The following ENO4 variants were observed in gnomAD, a reference collection of about 807,000 sequenced individuals.
ENO4 encodes enolase 4.
ENO4 carries 53 observed loss-of-function variants against 63.2 expected under a neutral mutation model. The ratio of observed to expected loss-of-function variants is 0.84; its 90% CI spans 0.67 to 1.05. The LOEUF (loss-of-function observed/expected upper bound fraction) is 1.05, where lower values mean the gene tolerates loss of function less well. Among genes scored for constraint, ENO4 ranks in the 50% least tolerant of loss-of-function variants. The pLI is 0.00. For missense variants in ENO4, 719 were observed against 772.0 expected, an observed-to-expected ratio of 0.93 and a Z score of 0.81; for synonymous variants, 266 against 283.8, an observed-to-expected ratio of 0.94 and a Z score of 0.63.
intron 1 of ENO4, among the ~76,000 whole-genome samples, chr10:116,854,287 C>T (rs1295261989): frequency 2.6e-5 from 4 of 152,108 alleles, no homozygotes; most frequent in African/African-American, 7.2e-5. Context: ...GTGCCGGGCG[C>T]GGTGGCTCAC....
Position 116,874,136 on chromosome 10 carries a change from C to T in ENO4, c.1276C>T (p.Leu426=), listed in dbSNP as rs1326183829. Residue 426 remains leucine (L), a synonymous_variant, in exon 10 of 14, where the codon CTG becomes TTG. Coordinates refer to ENST00000341276, the MANE Select transcript of ENO4 (RefSeq NM_001242699.2). ...CAAAAATGCAGCGGAGATGGTTGAC[C>T]TGTATGTGGATCTGATCAACAAGTA... is the stretch of plus-strand genomic sequence containing the variant. ...TYKNAAEMVD[L]YVDLINKYPS... 1 of 1,549,722 alleles carries T rather than the reference C, an allele frequency of 6.5e-7. No individual in the cohort carries two copies. The highest frequency in any genetic ancestry group is 1.4e-5 in the African/African-American group (1 of 73,002).
downstream of ENO4, chr10:116,885,115 G>A (rs976139420): frequency 1.3e-5 from 2 of 152,520 alleles, no homozygotes; most frequent in Non-Finnish European, 2.9e-5. Flanking sequence ...CTTACCACAC[G>A]TGCAAAAATA....
chr10:116,863,492 A>G (rs887992335), intron 7 of ENO4, among the ~76,000 whole-genome samples: 1 of 152,020 alleles, frequency 6.6e-6, no homozygotes, highest in Non-Finnish European at 1.5e-5. Context: ...ATGGTACACT[A>G]CTAATAACTA....
chr10:116,880,499 G>C (rs1315619991), intron 13 of ENO4, among the ~76,000 whole-genome samples: 3 of 152,160 alleles, frequency 2.0e-5, no homozygotes, highest in African/African-American at 7.2e-5. Context: ...TGGGTAACTA[G>C]AGAGAAACAC....
intron 4 of ENO4, 45 bp from the exon 5 acceptor site, chr10:116,860,749 A>C: frequency 1.6e-6 from 2 of 1,254,030 alleles, no homozygotes; most frequent in Non-Finnish European, 2.1e-6. Context: ...TCTGTAAGTA[A>C]AGCATTTAGA....
intron 10 of ENO4, among the ~76,000 whole-genome samples, chr10:116,895,276 A>G (rs1256800121): frequency 1.3e-5 from 2 of 152,208 alleles, no homozygotes; most frequent in Admixed American, 6.5e-5. Flanking sequence ...AAAATGTTCA[A>G]TAAAATAAAA....
intron 13 of ENO4, 143 bp downstream of exon 13, chr10:116,880,129 T>C: frequency 1.7e-6 from 1 of 590,530 alleles, no homozygotes; most frequent in South Asian, 2.5e-5. Context: ...AGGATGGCAC[T>C]TGCCACAATG....
intron 10 of ENO4, chr10:116,906,777 G>A (rs769346526): frequency 6.3e-7 from 1 of 1,577,138 alleles, no homozygotes; most frequent in East Asian, 2.3e-5. Context: ...AAAACAAAAA[G>A]GTTAATGTCT....
At position 116,852,543 on chromosome 10, in the gene ENO4, C is replaced by A. The variant is rs141436679; in HGVS notation, c.165+2812C>A. Reference sequence around the variant, plus strand: ...TGAACACCTTTTTGTAAGTCCCTCCCACACTGACTCTGGAATTGGCTATGT... The same window carrying A: ...TGAACACCTTTTTGTAAGTCCCTCCAACACTGACTCTGGAATTGGCTATGT... On this transcript the variant is annotated intron_variant, in intron 1 of 13. Transcript: ENST00000341276. Among the ~76,000 whole-genome samples, 72 of 152,316 alleles carry A rather than the reference C, an allele frequency of 4.7e-4. No homozygotes were observed. The East Asian group carries it at 0.014, about 29-fold the overall frequency.
Position 116,857,103 on chromosome 10 carries a change from C to T in ENO4, c.485+421C>T, listed in dbSNP as rs559859318. On this transcript the variant is annotated intron_variant, in intron 3 of 13. Coordinates refer to ENST00000341276, the MANE Select transcript of ENO4 (RefSeq NM_001242699.2). ...AGAATTGGGAAGTCAGTTTACAAAG[C>T]GTATGTGAAAGCAGCAACATTTAGC... is the stretch of plus-strand genomic sequence containing the variant. 1.1e-3 allele frequency among the ~76,000 whole-genome samples: 171 copies of T among 152,116 alleles called. 2 individuals carry two copies. The South Asian group carries it at 0.027, about 24-fold the overall frequency.
chr10:116,858,377 C>T (rs1275067814), intron 3 of ENO4, among the ~76,000 whole-genome samples: 1 of 152,192 alleles, frequency 6.6e-6, no homozygotes, highest in Non-Finnish European at 1.5e-5. Context: ...TTCTCTCATA[C>T]TTTAAAGGCA....
At chr10:116,860,693 GT>G in intron 4 of ENO4, 100 bp from the exon 5 acceptor site, 1 of 907,274 alleles carries the variant, frequency 1.1e-6, no homozygotes, top group Non-Finnish European at 1.5e-6. Flanking sequence ...AGCATTTGTT[GT>G]TCCCAGCCTC....
At position 116,874,069 on chromosome 10, in the gene ENO4, A is replaced by G. The variant is rs1365986113; in HGVS notation, c.1216-7A>G. ...CCTTATTTTAATATTTTCCTGACAC[A>G]TATCAGAATAAAGGAAAGTATGAAG... On this transcript the variant is annotated splice_region_variant and splice_polypyrimidine_tract_variant and intron_variant, in intron 9 of 13. Coordinates refer to ENST00000341276, the MANE Select transcript of ENO4 (RefSeq NM_001242699.2). The G allele has an allele frequency of 3.3e-6, 5 of 1,534,856 alleles. No homozygotes were observed. In the Admixed American group the frequency reaches 7.9e-5, roughly 24 times the overall value.
downstream of ENO4, chr10:116,886,100 G>T: frequency 1.9e-6 from 1 of 535,026 alleles, no homozygotes; most frequent in Non-Finnish European, 3.2e-6. Flanking sequence ...ACTTAATACA[G>T]TAACTAGGAA....
At chr10:116,889,721 G>C (rs1435517541) in intron 10 of ENO4, among the ~76,000 whole-genome samples, 1 of 152,178 alleles carries the variant, frequency 6.6e-6, no homozygotes, top group Non-Finnish European at 1.5e-5. Context: ...TCTTCTCCTA[G>C]AAACAGGAGG....
At chr10:116,869,249 C>T (rs1285146153) in intron 8 of ENO4, among the ~76,000 whole-genome samples, 1 of 152,184 alleles carries the variant, frequency 6.6e-6, no homozygotes, top group Non-Finnish European at 1.5e-5. Flanking sequence ...ACCAGCTGAA[C>T]TTGATCTGTC....
rs1249122262 is a variant in ENO4, at chr10:116,859,124, A to T, written c.620A>T (p.Lys207Met). 32 of 1,528,616 alleles carry T rather than the reference A, an allele frequency of 2.1e-5. No homozygotes were observed. The highest frequency in any genetic ancestry group is 2.8e-5 in the Non-Finnish European group (32 of 1,143,752). 94.7% of individuals were successfully genotyped at this position (1,528,616 alleles called of 1,614,324 possible). A position where few individuals can be genotyped will look rare whatever the true frequency, so the allele number is the denominator to read the frequency against. The change falls in exon 4 of 14, where the codon AAG (lysine) becomes ATG (methionine). Residue 207 changes from lysine (K) to methionine (M), a missense_variant. Lys to Met is a moderately conservative substitution (Grantham distance 95, BLOSUM62 -1). Transcript: ENST00000341276. Reference sequence around the variant, plus strand: ...CCCCCTCCACCTCCTACCAAAAAAAAGGGGCAAAAGCCAGGTTGGTTGGTG... The same window carrying T: ...CCCCCTCCACCTCCTACCAAAAAAATGGGGCAAAAGCCAGGTTGGTTGGTG... Reference protein sequence around the residue: ...PPPPPPPTKKKGQKPGRKDTI... With the variant: ...PPPPPPPTKKMGQKPGRKDTI...
chr10:116,909,027 T>TAA (rs1848086782), intron 10 of ENO4, among the ~76,000 whole-genome samples: 3 of 152,224 alleles, frequency 2.0e-5, no homozygotes, highest in Admixed American at 6.5e-5. Flanking sequence ...AAGACTATTT[T>TAA]AGTTATCTCT....
At chr10:116,860,150 C>A (rs1233911634) in intron 4 of ENO4, among the ~76,000 whole-genome samples, 1 of 152,214 alleles carries the variant, frequency 6.6e-6, no homozygotes, top group Non-Finnish European at 1.5e-5. Context: ...TGAACCACAT[C>A]CGCAGCTGTG....
Sources: gnomAD v4.1 joint callset for allele counts (sites outside exome capture counted in the v4.1 genomes callset) on GRCh38, gnomAD v4.1.1 for gene constraint, MANE v1.5 for transcripts, NCBI Gene and HGNC (gene_info 2026-07-23, HGNC 2026-07-21) for gene names.